The following YPEL2 variants were observed in gnomAD, a reference collection of about 807,000 sequenced individuals.
YPEL2 encodes yippee like 2.
YPEL2 carries 2 observed loss-of-function variants against 19.1 expected under a neutral mutation model. The observed-to-expected ratio is 0.10, with a 90% CI of 0.04 to 0.33. YPEL2 has a LOEUF of 0.33. Ranked by LOEUF, YPEL2 falls within the 10% of genes least tolerant of loss-of-function variation. The pLI, the probability that YPEL2 is intolerant of heterozygous loss-of-function variation, is 1.00. For synonymous variants in YPEL2, 52 were observed against 50.0 expected, an observed-to-expected ratio of 1.04 and a Z score of -0.17; for missense variants, 66 against 140.7, an observed-to-expected ratio of 0.47 and a Z score of 2.68.
intron 1 of YPEL2, among the ~76,000 whole-genome samples, chr17:59,332,558 T>G (rs1024377470): frequency 6.6e-6 from 1 of 152,132 alleles, no homozygotes; most frequent in African/African-American, 2.4e-5. Flanking sequence ...TTCACCCTGC[T>G]TGGCCGCCGA....
chr17:59,388,258 T>C, intron 2 of YPEL2, 69 bp from the exon 3 acceptor site: 3 of 1,485,698 alleles, frequency 2.0e-6, no homozygotes, highest in Non-Finnish European at 2.8e-6. Context: ...TAACTGTGAT[T>C]GGGGTTGGTT....
intron 1 of YPEL2, among the ~76,000 whole-genome samples, chr17:59,345,965 C>T (rs7209789): frequency 0.31 from 46,649 of 152,036 alleles, 7,468 homozygotes; most frequent in East Asian, 0.51. Context: ...CCACCCACCT[C>T]TAGATCCTGC....
chr17:59,350,546 CTT>C (rs2047782731), intron 1 of YPEL2, among the ~76,000 whole-genome samples: 1 of 152,140 alleles, frequency 6.6e-6, no homozygotes, highest in Admixed American at 6.6e-5. Context: ...TTTCTCTTGT[CTT>C]TTTAGGTTCA....
rs1211887148 is a variant in YPEL2, at chr17:59,356,855, A to ATG, written c.117+3329_117+3330insTG. On this transcript the variant is annotated intron_variant, in intron 2 of 4. Coordinates refer to ENST00000312655, the MANE Select transcript of YPEL2 (RefSeq NM_001005404.4). ...AGGGTCTCTCTCTGTCCTCTTTATA[A>ATG]GGACACTAATCCCATTCACAAGAGC... 5.1e-4 allele frequency among the ~76,000 whole-genome samples: 78 copies of ATG among 152,328 alleles called. 4 individuals are homozygous for ATG. The East Asian group carries it at 0.015, about 29-fold the overall frequency.
At chr17:59,383,933 G>T (rs1247088100) in intron 2 of YPEL2, among the ~76,000 whole-genome samples, 1 of 151,894 alleles carries the variant, frequency 6.6e-6, no homozygotes, top group Non-Finnish European at 1.5e-5. Flanking sequence ...CATTTAGGTT[G>T]TTTCCAGTTT....
At chr17:59,395,247 G>A (rs1216468244) in intron 4 of YPEL2, among the ~76,000 whole-genome samples, 1 of 151,922 alleles carries the variant, frequency 6.6e-6, no homozygotes, top group Non-Finnish European at 1.5e-5. Flanking sequence ...ACGGAATAAT[G>A]AAGTGTCAGG....
intron 2 of YPEL2, among the ~76,000 whole-genome samples, chr17:59,375,021 G>C: frequency 6.6e-6 from 1 of 152,206 alleles, no homozygotes; most frequent in East Asian, 1.9e-4. Context: ...GAAGCTCTAA[G>C]GAGAAAGAGC....
chr17:59,360,163 G>A (rs1052022203), intron 2 of YPEL2, among the ~76,000 whole-genome samples: 1 of 152,184 alleles, frequency 6.6e-6, no homozygotes, highest in African/African-American at 2.4e-5. Flanking sequence ...TGCAAGCTCC[G>A]CTTCCCGGGT....
intron 2 of YPEL2, among the ~76,000 whole-genome samples, chr17:59,359,016 C>T (rs1019899145): frequency 1.5e-4 from 22 of 151,068 alleles, no homozygotes; most frequent in African/African-American, 4.9e-4. Flanking sequence ...CTCTGCTTCC[C>T]GGGTTGAAGT....
intron 1 of YPEL2, among the ~76,000 whole-genome samples, chr17:59,337,276 C>T (rs2147932609): frequency 6.6e-6 from 1 of 151,588 alleles, no homozygotes; most frequent in South Asian, 2.1e-4. Context: ...CAAGCTCCGC[C>T]TCCCGGGTTC....
At chr17:59,377,476 G>C (rs376845207) in intron 2 of YPEL2, among the ~76,000 whole-genome samples, 1 of 152,162 alleles carries the variant, frequency 6.6e-6, no homozygotes, top group Non-Finnish European at 1.5e-5. Context: ...TGGCATGTTG[G>C]CCTCTCTTCT....
intron 4 of YPEL2, among the ~76,000 whole-genome samples, chr17:59,392,748 G>A (rs2048014308): frequency 1.3e-5 from 2 of 151,906 alleles, no homozygotes; most frequent in Non-Finnish European, 2.9e-5. Context: ...TCCTCACCTC[G>A]TGATCTGCCC....
At chr17:59,356,249 T>A (rs1383651608) in intron 2 of YPEL2, 2 of 150,662 alleles carry the variant, frequency 1.3e-5, no homozygotes, top group Non-Finnish European at 2.9e-5. Context: ...AATTAAATGA[T>A]ACTTTGTACT....
At chr17:59,333,592 G>C (rs1467445746) in intron 1 of YPEL2, among the ~76,000 whole-genome samples, 1 of 152,162 alleles carries the variant, frequency 6.6e-6, no homozygotes, top group Non-Finnish European at 1.5e-5. Flanking sequence ...ACTCCCTGCA[G>C]TGTGCTCTGT....
At position 59,344,496 on chromosome 17, in the gene YPEL2, A is replaced by G. The variant is rs541047251; in HGVS notation, c.-195-8719A>G. ...AAAAGTATTAGTGTTTGTGGCTCAC[A>G]TCTGTAATCCCAGCACTTTGAGAGG... On this transcript the variant is annotated intron_variant, in intron 1 of 4. Coordinates refer to ENST00000312655, the MANE Select transcript of YPEL2 (RefSeq NM_001005404.4). Among the ~76,000 whole-genome samples, 5 of 152,318 alleles carry G rather than the reference A, an allele frequency of 3.3e-5. No homozygotes were observed. In the East Asian group the frequency reaches 9.6e-4, roughly 29 times the overall value.
At chr17:59,363,468 C>T (rs997211660) in intron 2 of YPEL2, among the ~76,000 whole-genome samples, 4 of 152,092 alleles carry the variant, frequency 2.6e-5, no homozygotes, top group Non-Finnish European at 4.4e-5. Context: ...CCACCAGGCC[C>T]GGCTAATTTT....
chr17:59,363,882 C>T (rs1042452086), intron 2 of YPEL2, among the ~76,000 whole-genome samples: 5 of 152,158 alleles, frequency 3.3e-5, no homozygotes, highest in African/African-American at 9.7e-5. Context: ...TTTCTTCCCT[C>T]CTGTCATTTC....
chr17:59,388,210 T>C, intron 2 of YPEL2, 117 bp from the exon 3 acceptor site: 4 of 969,184 alleles, frequency 4.1e-6, no homozygotes, highest in Non-Finnish European at 6.7e-6. Flanking sequence ...ACTGGCTCAG[T>C]ACTCCCTTTT....
At chr17:59,362,545 G>C (rs2047846426) in intron 2 of YPEL2, 1 of 152,150 alleles carries the variant, frequency 6.6e-6, no homozygotes, top group Non-Finnish European at 1.5e-5. Flanking sequence ...GATTCTTTCT[G>C]TGTGGTTACT....
Sources: gnomAD v4.1 joint callset for allele counts (sites outside exome capture counted in the v4.1 genomes callset) on GRCh38, gnomAD v4.1.1 for gene constraint, MANE v1.5 for transcripts, NCBI Gene and HGNC (gene_info 2026-07-23, HGNC 2026-07-21) for gene names.